The following SSR1 variants were observed in gnomAD, a reference collection of about 807,000 sequenced individuals.
SSR1 encodes signal sequence receptor subunit 1, also known as translocon-associated protein subunit alpha.
Under a neutral mutation model 36.1 loss-of-function variants are expected in SSR1, and 13 were observed. The observed-to-expected ratio is 0.36, with a 90% CI of 0.23 to 0.57. The LOEUF (loss-of-function observed/expected upper bound fraction) is 0.57, where lower values mean the gene tolerates loss of function less well. Among genes scored for constraint, SSR1 ranks in the 20% least tolerant of loss-of-function variants. The pLI is 0.81. For synonymous variants in SSR1, 113 were observed against 118.9 expected, an observed-to-expected ratio of 0.95 and a Z score of 0.32; for missense variants, 291 against 338.5, an observed-to-expected ratio of 0.86 and a Z score of 1.10.
chr6:7,299,237 G>A (rs970762370), intron 4 of SSR1, among the ~76,000 whole-genome samples: 2 of 152,182 alleles, frequency 1.3e-5, no homozygotes, highest in Non-Finnish European at 2.9e-5. Flanking sequence ...AAATAAAAAT[G>A]AGATAAAACG....
chr6:7,310,224 A>T (rs1240626234), intron 1 of SSR1, among the ~76,000 whole-genome samples, 195 bp from the exon 2 acceptor site: 1 of 139,390 alleles, frequency 7.2e-6, no homozygotes, highest in Non-Finnish European at 1.5e-5. Flanking sequence ...CTGCATATCA[A>T]TTTTTTTTTT....
intron 1 of SSR1, 55 bp from the exon 2 acceptor site, chr6:7,310,084 T>A (rs1399094819): frequency 6.9e-7 from 1 of 1,456,206 alleles, no homozygotes; most frequent in African/African-American, 1.4e-5. Flanking sequence ...TACTAATTTC[T>A]TTTTTTAACA....
At chr6:7,303,719 G>A (rs3778324) in intron 2 of SSR1, 82 bp from the exon 3 acceptor site, 138,949 of 1,101,124 alleles carry the variant, frequency 0.13, 9,303 homozygotes, top group African/African-American at 0.17. Context: ...GGCCGGGCAC[G>A]GTGGCTCACA....
At chr6:7,296,073 A>G (rs913725049) in intron 6 of SSR1, among the ~76,000 whole-genome samples, 4 of 152,256 alleles carry the variant, frequency 2.6e-5, no homozygotes, top group African/African-American at 9.6e-5. Flanking sequence ...CAGTTGGCAC[A>G]GACAAAACAA....
intron 4 of SSR1, among the ~76,000 whole-genome samples, chr6:7,300,604 C>T (rs1037849947): frequency 1.3e-5 from 2 of 152,104 alleles, no homozygotes; most frequent in East Asian, 3.9e-4. Flanking sequence ...GGGCAAAATG[C>T]AAGCAACAAA....
chr6:7,309,789 C>A, intron 2 of SSR1, 128 bp downstream of exon 2: 1 of 777,792 alleles, frequency 1.3e-6, no homozygotes, highest in Non-Finnish European at 2.2e-6. Context: ...TCATGCTGAA[C>A]TGTGGGTCAA....
chr6:7,291,062 T>A (rs1365087774), intron 7 of SSR1, among the ~76,000 whole-genome samples: 1 of 151,536 alleles, frequency 6.6e-6, no homozygotes, highest in Non-Finnish European at 1.5e-5. Flanking sequence ...GCCAAGAATA[T>A]TTAAAGACTA....
intron 1 of SSR1, among the ~76,000 whole-genome samples, chr6:7,311,344 G>A (rs1758191588): frequency 6.6e-6 from 1 of 152,202 alleles, no homozygotes; most frequent in African/African-American, 2.4e-5. Flanking sequence ...CAGAAAAAAT[G>A]ATGATGTGGC....
chr6:7,307,610 T>C (rs944638445), intron 2 of SSR1, among the ~76,000 whole-genome samples: 8 of 152,336 alleles, frequency 5.3e-5, no homozygotes, highest in African/African-American at 1.7e-4. Flanking sequence ...GACACACTCA[T>C]AGCTCACTGT....
Position 7,291,393 on chromosome 6 carries a change from G to T in SSR1, c.794-1462C>A, listed in dbSNP as rs568133171. On this transcript the variant is annotated intron_variant, in intron 7 of 7. Coordinates refer to ENST00000244763, the MANE Select transcript of SSR1 (RefSeq NM_003144.5). The stretch of plus-strand genomic sequence containing the variant: ...AGCCTGGGCAACAGAGCAAGACTCC[G>T]TGTCTCAGAAAAATAAAAAAAGTTA... Among the ~76,000 whole-genome samples, 4 of 152,030 alleles carry T rather than the reference G, an allele frequency of 2.6e-5. No individual in the cohort carries two copies. In the East Asian group the frequency reaches 7.8e-4, roughly 30 times the overall value.
chr6:7,301,757 C>A (rs1305068130), intron 3 of SSR1, among the ~76,000 whole-genome samples, 185 bp from the exon 4 acceptor site: 1 of 152,106 alleles, frequency 6.6e-6, no homozygotes, highest in Non-Finnish European at 1.5e-5. Context: ...AGGCTGAAAC[C>A]CTTTTGTCTG....
rs1757584864 is a variant in SSR1, at chr6:7,287,640, A to C, written c.*2224T>G. 1 of 152,508 alleles carries C rather than the reference A, an allele frequency of 6.6e-6. No homozygotes were observed. 9.4% of individuals were successfully genotyped at this position (152,508 alleles called of 1,614,324 possible). ...ATAGGTTTGATACACAAGATCCTTA[A>C]AGTCATTTTACATATTCTGAAACCA... On this transcript the variant is annotated 3_prime_UTR_variant, in exon 8 of 8. Coordinates refer to ENST00000244763, the MANE Select transcript of SSR1 (RefSeq NM_003144.5).
At chr6:7,308,262 G>A (rs919000045) in intron 2 of SSR1, among the ~76,000 whole-genome samples, 1 of 152,112 alleles carries the variant, frequency 6.6e-6, no homozygotes, top group African/African-American at 2.4e-5. Flanking sequence ...AAAACAGTAG[G>A]TGCAGAAGCA....
At chr6:7,307,050 CCTTCA>C (rs1251253779) in intron 2 of SSR1, among the ~76,000 whole-genome samples, 3 of 152,106 alleles carry the variant, frequency 2.0e-5, no homozygotes, top group African/African-American at 7.2e-5. Flanking sequence ...ACCCCCTTTT[CCTTCA>C]CTTGACTCCA....
chr6:7,303,710 G>A lies in SSR1; in HGVS notation c.193-73C>T, dbSNP rs1757988656. ...ATCATTATTTAAAAATAAAGATTTG[G>A]CCGGGCACGGTGGCTCACACTTATA... On this transcript the variant is annotated intron_variant, in intron 2 of 7. Transcript: ENST00000244763. 1.2e-5 allele frequency: 15 copies of A among 1,239,886 alleles called. No individual in the cohort carries two copies. In the East Asian group the frequency reaches 3.1e-4, roughly 25 times the overall value. 76.8% of individuals were successfully genotyped at this position (1,239,886 alleles called of 1,614,324 possible). A position where few individuals can be genotyped will look rare whatever the true frequency, so the allele number is the denominator to read the frequency against.
At chr6:7,305,310 T>C (rs1182902277) in intron 2 of SSR1, among the ~76,000 whole-genome samples, 1 of 152,200 alleles carries the variant, frequency 6.6e-6, no homozygotes, top group African/African-American at 2.4e-5. Context: ...CAGATGAAAC[T>C]ATCCTGTGAA....
chr6:7,282,940 C>T lies in SSR1; in HGVS notation c.*6924G>A, dbSNP rs1443131662. The T allele has an allele frequency of 5.3e-5, 8 of 152,214 alleles. No homozygotes were observed. Among genetic ancestry groups the T allele is most frequent in the Admixed American group, 2.0e-4 (3 of 15,286 alleles). 9.4% of individuals were successfully genotyped at this position (152,214 alleles called of 1,614,324 possible). On this transcript the variant is annotated 3_prime_UTR_variant, in exon 8 of 8. Coordinates refer to ENST00000244763, the MANE Select transcript of SSR1 (RefSeq NM_003144.5). ...CTGTAGAATTCAAGGGAATGAAATCCGCTTCTCATACGTACCAAGGACCAA... is the reference window on the plus strand; with the variant it reads ...CTGTAGAATTCAAGGGAATGAAATCTGCTTCTCATACGTACCAAGGACCAA...
In SSR1 at chr6:7,297,983, G is replaced by A. The variant is rs749121829; in HGVS notation, c.639C>T (p.Phe213=). 3.1e-6 allele frequency: 5 copies of A among 1,613,060 alleles called. No homozygotes were observed. In the South Asian group the frequency reaches 4.4e-5, roughly 14 times the overall value. ...LDGETIFMYM[F]LAGLGLLVIV... ...TAACCAGAAGCCCAAGACCAGCAAG[G>A]AACATATACATAAAGATTCTGGTAC... The change falls in exon 6 of 8, where the codon TTC becomes TTT. Residue 213 remains phenylalanine, a synonymous_variant. Coordinates refer to ENST00000244763, the MANE Select transcript of SSR1 (RefSeq NM_003144.5).
intron 4 of SSR1, among the ~76,000 whole-genome samples, chr6:7,299,676 G>A (rs1581632166): frequency 1.4e-5 from 2 of 142,814 alleles, no homozygotes; most frequent in Non-Finnish European, 1.5e-5. Flanking sequence ...CAACAAGAGC[G>A]AAACTCCCAC....
Sources: allele counts gnomAD v4.1 joint callset (sites outside exome capture counted in the v4.1 genomes callset), GRCh38; gene constraint gnomAD v4.1.1; transcripts MANE v1.5; gene names NCBI Gene and HGNC (gene_info 2026-07-23, HGNC 2026-07-21).